NR3C1: variants seen among roughly 807,000 people sequenced by gnomAD.
NR3C1 encodes the protein nuclear receptor subfamily 3 group C member 1, also known as glucocorticoid receptor.
NR3C1 carries 14 observed loss-of-function variants against 74.0 expected under a neutral mutation model. The observed-to-expected ratio is 0.19, with a 90% CI of 0.12 to 0.30. The LOEUF is 0.30. NR3C1 is among the 10% of genes least tolerant of loss of function. The pLI is 1.00. For missense variants in NR3C1, 695 were observed against 909.8 expected (o/e 0.76, Z 3.04); for synonymous variants, 308 against 332.5 (o/e 0.93, Z 0.80).
In NR3C1 at chr5:143,341,526, T is replaced by C. The variant is rs376014148; in HGVS notation, c.1185-27358A>G. On this transcript the variant is annotated intron_variant, in intron 2 of 8. Transcript: ENST00000394464. Reference sequence around the variant, plus strand: ...GGTCCTTTCAGGACATCTGGATACATGGCTCATAACTACCCCAAGTAACAT... The same window carrying C: ...GGTCCTTTCAGGACATCTGGATACACGGCTCATAACTACCCCAAGTAACAT... 1.6e-3 allele frequency among the ~76,000 whole-genome samples: 242 copies of C among 152,366 alleles called. 1 individual carries two copies. Among genetic ancestry groups the C allele is most frequent in the African/African-American group, 5.6e-3 (232 of 41,584 alleles).
upstream of NR3C1, chr5:143,404,272 C>T (rs1840895288): frequency 1.8e-5 from 18 of 985,482 alleles, no homozygotes; most frequent in Non-Finnish European, 2.0e-5. Context: ...TGCACGGAAA[C>T]GGTGCCGCAG....
chr5:143,435,102 A>T (rs1468547218), exon 1 of NR3C1: 1 of 985,302 alleles, frequency 1.0e-6, no homozygotes, highest in Non-Finnish European at 1.2e-6. Flanking sequence ...TGGGAATTTT[A>T]TCATGCTCAA....
chr5:143,343,731 T>A (rs907244014), intron 2 of NR3C1, among the ~76,000 whole-genome samples: 3 of 152,238 alleles, frequency 2.0e-5, no homozygotes, highest in African/African-American at 7.2e-5. Context: ...AACTTTTTAA[T>A]CTTCATAATA....
At chr5:143,288,412 C>T (rs1815052772) in intron 7 of NR3C1, among the ~76,000 whole-genome samples, 2 of 152,068 alleles carry the variant, frequency 1.3e-5, no homozygotes, top group Admixed American at 6.5e-5. Context: ...AGCCATAGCG[C>T]CCGGCCAGAA....
chr5:143,427,136 T>A (rs1029738463), intron 1 of NR3C1, among the ~76,000 whole-genome samples: 6 of 152,194 alleles, frequency 3.9e-5, no homozygotes, highest in Non-Finnish European at 8.8e-5. Context: ...AGAACCCCAG[T>A]CTGCACTATA....
intron 2 of NR3C1, among the ~76,000 whole-genome samples, chr5:143,322,026 A>G (rs1823495167): frequency 6.6e-6 from 1 of 152,208 alleles, no homozygotes; most frequent in Non-Finnish European, 1.5e-5. Flanking sequence ...GTTTTGCAAA[A>G]GAACTCTGAG....
At chr5:143,418,810 C>A (rs929677900) in intron 1 of NR3C1, among the ~76,000 whole-genome samples, 1 of 152,120 alleles carries the variant, frequency 6.6e-6, no homozygotes, top group Non-Finnish European at 1.5e-5. Flanking sequence ...CTGGCTTGGA[C>A]GAGGGCAGAA....
Position 143,294,473 on chromosome 5 carries a change from T to C in NR3C1, c.2023+987A>G, listed in dbSNP as rs534681815. 36 of 249,856 alleles carry C rather than the reference T, an allele frequency of 1.4e-4. No individual in the cohort carries two copies. The Admixed American group carries it at 1.9e-3, about 14-fold the overall frequency. 15.5% of individuals were successfully genotyped at this position (249,856 alleles called of 1,614,324 possible). On this transcript the variant is annotated intron_variant, in intron 7 of 8. Transcript: ENST00000394464. ...GAGGAAGGTACAGAGATTTTTCATATACCTCCTGTCCCACACATCATCACC... is the reference window on the plus strand; with the variant it reads ...GAGGAAGGTACAGAGATTTTTCATACACCTCCTGTCCCACACATCATCACC...
chr5:143,283,316 T>C (rs983769795), intron 7 of NR3C1, among the ~76,000 whole-genome samples: 1 of 152,230 alleles, frequency 6.6e-6, no homozygotes, highest in African/African-American at 2.4e-5. Flanking sequence ...TAACAAAGAA[T>C]TGGAGGACTT....
At chr5:143,379,253 C>T (rs906350787) in intron 2 of NR3C1, among the ~76,000 whole-genome samples, 1 of 152,202 alleles carries the variant, frequency 6.6e-6, no homozygotes, top group Non-Finnish European at 1.5e-5. Flanking sequence ...AAGTGCTTTG[C>T]ATTTACCTAG....
Position 143,394,917 on chromosome 5 carries a change from C to A in NR3C1, c.1184+4739G>T, listed in dbSNP as rs140592745. ...TCCCACATCTCTGTTGCTCCTCCCT[C>A]TTCACCCTCCACCCCCAATTAATTC... is the stretch of plus-strand genomic sequence containing the variant. On this transcript the variant is annotated intron_variant, in intron 2 of 8. Transcript: ENST00000394464. Among the ~76,000 whole-genome samples, 328 of 152,058 alleles carry A rather than the reference C, an allele frequency of 2.2e-3. 2 individuals carry two copies. In the Middle Eastern group the frequency reaches 0.027, roughly 13 times the overall value.
upstream of NR3C1, chr5:143,404,203 C>T (rs889478902): frequency 8.1e-6 from 8 of 985,200 alleles, no homozygotes; most frequent in Non-Finnish European, 9.6e-6. Context: ...GAGTGGCCCG[C>T]GCCGCCGCCG....
At chr5:143,323,950 C>T (rs1017194170) in intron 2 of NR3C1, among the ~76,000 whole-genome samples, 3 of 152,224 alleles carry the variant, frequency 2.0e-5, no homozygotes, top group African/African-American at 4.8e-5. Flanking sequence ...ATATCCAGGT[C>T]ATGCTGATGC....
intron 7 of NR3C1, among the ~76,000 whole-genome samples, chr5:143,284,478 T>C (rs775408613): frequency 6.6e-6 from 1 of 152,196 alleles, no homozygotes; most frequent in Non-Finnish European, 1.5e-5. Context: ...CACATTACTA[T>C]ACTACAGAAA....
intron 2 of NR3C1, among the ~76,000 whole-genome samples, chr5:143,374,506 A>G (rs1834812141): frequency 6.7e-6 from 1 of 149,948 alleles, no homozygotes; most frequent in African/African-American, 2.4e-5. Flanking sequence ...AAAAAAAAAC[A>G]TAGTGAGTAA....
chr5:143,291,699 C>T (rs1815991026), intron 7 of NR3C1, among the ~76,000 whole-genome samples: 1 of 152,138 alleles, frequency 6.6e-6, no homozygotes, highest in Non-Finnish European at 1.5e-5. Flanking sequence ...GGGGGAATTT[C>T]CTTTGACCTA....
At chr5:143,354,655 G>A (rs1009680885) in intron 2 of NR3C1, among the ~76,000 whole-genome samples, 3 of 152,076 alleles carry the variant, frequency 2.0e-5, no homozygotes, top group African/African-American at 7.2e-5. Flanking sequence ...AGTAACATCA[G>A]GCTGGCACGG....
chr5:143,356,941 AG>A (rs1352329307), intron 2 of NR3C1, among the ~76,000 whole-genome samples: 1 of 152,222 alleles, frequency 6.6e-6, no homozygotes, highest in Non-Finnish European at 1.5e-5. Flanking sequence ...TTCAGTCAAT[AG>A]GTAAATAAAT....
intron 1 of NR3C1, among the ~76,000 whole-genome samples, chr5:143,418,112 A>G (rs1169005848): frequency 6.6e-6 from 1 of 152,224 alleles, no homozygotes; most frequent in East Asian, 1.9e-4. Flanking sequence ...TGAATGTGCA[A>G]GCTTTCCTAA....
Sources: allele counts gnomAD v4.1 joint callset (sites outside exome capture counted in the v4.1 genomes callset), GRCh38; gene constraint gnomAD v4.1.1; transcripts MANE v1.5; gene names NCBI Gene and HGNC (gene_info 2026-07-23, HGNC 2026-07-21).